The following RCC1L variants were observed in gnomAD, a reference collection of about 807,000 sequenced individuals.
RCC1L encodes the protein RCC1-like G exchanging factor-like protein.
In RCC1L, 46 loss-of-function variants were observed where a neutral mutation model predicts 58.6. The observed-to-expected ratio is 0.79, with a 90% CI of 0.62 to 1.00. The LOEUF (loss-of-function observed/expected upper bound fraction) is 1.00, where lower values mean the gene tolerates loss of function less well. Ranked by LOEUF, RCC1L falls within the 50% of genes least tolerant of loss-of-function variation. RCC1L has a pLI of 0.00. For synonymous variants in RCC1L, 281 were observed against 262.9 expected (o/e 1.07, Z -0.67); for missense variants, 636 against 623.6 (o/e 1.02, Z -0.21).
At chr7:75,028,336 G>T (rs1033784387) in intron 10 of RCC1L, among the ~76,000 whole-genome samples, 1 of 152,028 alleles carries the variant, frequency 6.6e-6, no homozygotes, top group East Asian at 1.9e-4. Flanking sequence ...GGCCACGCTG[G>T]TCTTGAACTC....
At chr7:75,061,089 A>T in intron 6 of RCC1L, 118 bp downstream of exon 6, 1 of 859,872 alleles carries the variant, frequency 1.2e-6, no homozygotes, top group Non-Finnish European at 2.0e-6. Flanking sequence ...GAAAGTGATA[A>T]GAGGTAAGAG....
chr7:75,049,864 G>A (rs1183703609), intron 10 of RCC1L, among the ~76,000 whole-genome samples: 8 of 152,282 alleles, frequency 5.3e-5, no homozygotes, highest in African/African-American at 1.9e-4. Context: ...GGGTGACAGA[G>A]CAAGACCCTG....
chr7:75,073,138 C>T (rs1383393142), intron 1 of RCC1L, among the ~76,000 whole-genome samples: 2 of 152,210 alleles, frequency 1.3e-5, no homozygotes, highest in African/African-American at 2.4e-5. Context: ...CTCTCTGGGC[C>T]TCCCCTTCCT....
intron 10 of RCC1L, among the ~76,000 whole-genome samples, chr7:75,031,940 G>A (rs1413291240): frequency 6.6e-6 from 1 of 152,346 alleles, no homozygotes; most frequent in East Asian, 1.9e-4. Context: ...CCACGGGGCT[G>A]CTTGAGTGTC....
At position 75,073,635 on chromosome 7, in the gene RCC1L, G is replaced by A. The variant is rs782444311; in HGVS notation, c.103C>T (p.Arg35Trp). ...HWTAAGRSRS[R>W]REAAEAEAEV... ...GCCTCGGCTTCTGCCGCTTCGCGCC[G>A]GCTCCGGGAGCGCCCGGCCGCCGTC... Residue 35 changes from arginine (R) to tryptophan (W), a missense_variant, in exon 1 of 11, where the codon CGG (arginine) becomes TGG (tryptophan). By Grantham distance (101) the Arg-to-Trp change is moderately radical. Coordinates refer to ENST00000610322, the MANE Select transcript of RCC1L (RefSeq NM_030798.5). The A allele has an allele frequency of 1.5e-5, 22 of 1,488,130 alleles. No individual in the cohort carries two copies. In the South Asian group the frequency reaches 2.2e-4, roughly 15 times the overall value. The allele number at this position is 1,488,130 out of a possible 1,614,324, so 92.2% of individuals were successfully genotyped here.
At chr7:75,072,170 A>ATATATATATATATATAT (rs1326665894) in intron 1 of RCC1L, among the ~76,000 whole-genome samples, 1 of 80,584 alleles carries the variant, frequency 1.2e-5, no homozygotes, top group African/African-American at 4.6e-5. Context: ...ACATATATAT[A>ATATATATATATATATAT]TATATATATA....
At chr7:75,027,729 A>G in exon 11 of RCC1L, 1 of 425,466 alleles carries the variant, frequency 2.4e-6, no homozygotes, top group South Asian at 2.3e-5. Flanking sequence ...CCTCGGTCAC[A>G]GGGGGCCCCT....
chr7:75,063,444 C>T lies in RCC1L; in HGVS notation c.651-101G>A, dbSNP rs1014291770. 9.1e-6 allele frequency: 11 copies of T among 1,204,100 alleles called. No homozygotes were observed. In the Admixed American group the frequency reaches 1.5e-4, roughly 17 times the overall value. 74.6% of individuals were successfully genotyped at this position (1,204,100 alleles called of 1,614,324 possible). A position where few individuals can be genotyped will look rare whatever the true frequency, so the allele number is the denominator to read the frequency against. Reference sequence around the variant, plus strand: ...CCCAACTGATGGCCCGTCCCCTCCGCTCACACAGTAACTGTTGGGGTAACT... The same window carrying T: ...CCCAACTGATGGCCCGTCCCCTCCGTTCACACAGTAACTGTTGGGGTAACT... On this transcript the variant is annotated intron_variant, in intron 4 of 10. Coordinates refer to ENST00000610322, the MANE Select transcript of RCC1L (RefSeq NM_030798.5).
chr7:75,059,227 G>GA (rs1318615237), intron 6 of RCC1L, among the ~76,000 whole-genome samples: 209 of 143,374 alleles, frequency 1.5e-3, no homozygotes, highest in African/African-American at 4.9e-3. Flanking sequence ...AAGAAAGAAA[G>GA]AAAAGAAACC....
intron 10 of RCC1L, among the ~76,000 whole-genome samples, chr7:75,049,724 C>A (rs1472275738): frequency 6.7e-6 from 1 of 149,656 alleles, no homozygotes; most frequent in Non-Finnish European, 1.5e-5. Flanking sequence ...ACAAAAAATA[C>A]AAAAATTAGC....
intron 2 of RCC1L, among the ~76,000 whole-genome samples, chr7:75,070,187 T>C (rs1806669188): frequency 6.6e-6 from 1 of 152,196 alleles, no homozygotes; most frequent in Non-Finnish European, 1.5e-5. Context: ...GGCTAAAAAA[T>C]AACCTAGCCC....
rs200375572 is a variant in RCC1L at position 75,052,826 on chromosome 7, G to A, written c.1232-30C>T. 6.1e-4 allele frequency: 981 copies of A among 1,597,812 alleles called. 1 individual carries two copies. The highest frequency in any genetic ancestry group is 7.3e-4 in the Non-Finnish European group (857 of 1,170,168). ...AAAGGGAGGAAAACAGGGGTTGGTT[G>A]GGACTGTGTGAAGAACAAGTCTCCA... On this transcript the variant is annotated intron_variant, in intron 9 of 10. Transcript: ENST00000610322.
At chr7:75,066,008 ACT>A (rs1479997570) in intron 3 of RCC1L, among the ~76,000 whole-genome samples, 1 of 113,388 alleles carries the variant, frequency 8.8e-6, no homozygotes, top group Non-Finnish European at 1.7e-5. Flanking sequence ...GCACAGCGAG[ACT>A]CTGTCTCAAA....
chr7:75,044,497 G>A (rs1262329589), intron 10 of RCC1L, among the ~76,000 whole-genome samples: 1 of 150,114 alleles, frequency 6.7e-6, no homozygotes, highest in Non-Finnish European at 1.5e-5. Context: ...TACTCGGGAG[G>A]CTGAGGCAGG....
intron 1 of RCC1L, among the ~76,000 whole-genome samples, chr7:75,071,899 C>T (rs1320817946): frequency 6.6e-6 from 1 of 151,286 alleles, no homozygotes; most frequent in African/African-American, 2.4e-5. Context: ...GTACCCATCT[C>T]AAGGTAAGAG....
chr7:75,073,701 C>G lies in RCC1L; in HGVS notation c.37G>C (p.Gly13Arg), dbSNP rs1554446581. The change falls in exon 1 of 11, where the codon GGG becomes CGG. Residue 13 changes from glycine (G) to arginine (R), a missense_variant. By Grantham distance (125) the Gly-to-Arg change is moderately radical. Coordinates refer to ENST00000610322, the MANE Select transcript of RCC1L (RefSeq NM_030798.5). Reference protein sequence around the residue: ...LVALVAGARLGRRLSGPGLGR... With the variant: ...LVALVAGARLRRRLSGPGLGR... ...AGCCCCGGCCCGCTCAGCCGCCGCC[C>G]CAGCCGAGCCCCAGCCACCAACGCC... 2 of 1,510,066 alleles carry G rather than the reference C, an allele frequency of 1.3e-6. No homozygotes were observed. The highest frequency in any genetic ancestry group is 8.8e-7 in the Non-Finnish European group (1 of 1,136,032). The allele number at this position is 1,510,066 out of a possible 1,614,324, so 93.5% of individuals were successfully genotyped here.
intron 9 of RCC1L, among the ~76,000 whole-genome samples, chr7:75,053,012 G>T (rs1206262382): frequency 1.3e-5 from 2 of 149,782 alleles, no homozygotes; most frequent in Non-Finnish European, 3.0e-5. Context: ...GACTTCTGCT[G>T]CATCCACCCA....
intron 10 of RCC1L, among the ~76,000 whole-genome samples, chr7:75,029,639 T>C (rs34863951): frequency 0.31 from 46,412 of 151,864 alleles, 7,355 homozygotes; most frequent in Middle Eastern, 0.52. Context: ...ATACCCCGCC[T>C]GGCCAATGGG....
intron 10 of RCC1L, among the ~76,000 whole-genome samples, chr7:75,047,951 T>TAAAAAAAA (rs1165495607): frequency 1.4e-5 from 1 of 72,202 alleles, no homozygotes; most frequent in Non-Finnish European, 2.4e-5. Context: ...GGCCAATAAT[T>TAAAAAAAA]AAAAAAAAAA....
Sources: allele counts gnomAD v4.1 joint callset (sites outside exome capture counted in the v4.1 genomes callset), GRCh38; gene constraint gnomAD v4.1.1; transcripts MANE v1.5; gene names NCBI Gene and HGNC (gene_info 2026-07-23, HGNC 2026-07-21).